NKTR: variants seen among roughly 807,000 people sequenced by gnomAD.
NKTR encodes the protein natural killer cell triggering receptor.
A neutral mutation model predicts 156.3 loss-of-function variants in NKTR; 67 were observed. That is an observed-to-expected ratio of 0.43 (90% CI 0.35 to 0.53). The LOEUF (loss-of-function observed/expected upper bound fraction) is 0.53, where lower values mean the gene tolerates loss of function less well. Ranked by LOEUF, NKTR falls within the 20% of genes least tolerant of loss-of-function variation. NKTR has a pLI of 0.01. For synonymous variants in NKTR, 640 were observed against 596.6 expected, an observed-to-expected ratio of 1.07 and a Z score of -1.06; for missense variants, 1,604 against 1,730.9, an observed-to-expected ratio of 0.93 and a Z score of 1.30.
chr3:42,619,151 A>G (rs1483240103), intron 4 of NKTR, 24 bp downstream of exon 4: 4 of 1,591,722 alleles, frequency 2.5e-6, no homozygotes, highest in Non-Finnish European at 8.5e-7. Flanking sequence ...TTGTGTTCCT[A>G]ATAACTCCAT....
At chr3:42,625,003 T>C (rs1708244424) in intron 6 of NKTR, among the ~76,000 whole-genome samples, 1 of 152,174 alleles carries the variant, frequency 6.6e-6, no homozygotes, top group Non-Finnish European at 1.5e-5. Context: ...CCTATGTACC[T>C]TCAGTTCGTT....
At position 42,618,349 on chromosome 3, in the gene NKTR, C is replaced by T. The variant is rs1203384202; in HGVS notation, c.134-671C>T. Among the ~76,000 whole-genome samples the T allele has an allele frequency of 1.7e-4, 23 of 135,442 alleles. 1 individual carries two copies. The East Asian group carries it at 4.6e-3, about 27-fold the overall frequency. The allele number at this position is 135,442 out of a possible 152,430, so 88.9% of individuals were successfully genotyped here. On this transcript the variant is annotated intron_variant, in intron 3 of 16. Transcript: ENST00000232978. ...CTGGGGGACAAGAGCCAGACTTTGT[C>T]TCAAAAAAAAAAAAAAAAAAATTAG...
intron 13 of NKTR, among the ~76,000 whole-genome samples, chr3:42,642,069 A>G (rs902982761): frequency 5.1e-4 from 77 of 152,324 alleles, no homozygotes; most frequent in African/African-American, 1.6e-3. Flanking sequence ...TTATATATAT[A>G]GATGTTCTAC....
chr3:42,638,683 G>C lies in NKTR; in HGVS notation c.2979G>C (p.Val993=). The change falls in exon 13 of 17, where the codon GTG becomes GTC. Residue 993 remains valine, a synonymous_variant. Transcript: ENST00000232978. ...TTAAAAGAGAACACACCAAAAAAGT[G>C]AAAGAGAAATTGAAAGGGAAAAAAG... ...ENLKREHTKK[V]KEKLKGKKDK... is the part of the protein sequence containing the mutation. The C allele has an allele frequency of 6.2e-7, 1 of 1,611,674 alleles. No individual in the cohort carries two copies. Among genetic ancestry groups the C allele is most frequent in the South Asian group, 1.1e-5 (1 of 90,314 alleles).
Position 42,637,987 on chromosome 3 carries a change from C to T in NKTR, c.2283C>T (p.Ser761=). The T allele has an allele frequency of 6.2e-7, 1 of 1,613,746 alleles. No individual in the cohort carries two copies. Among genetic ancestry groups the T allele is most frequent in the South Asian group, 1.1e-5 (1 of 91,024 alleles). The change falls in exon 13 of 17, where the codon TCC becomes TCT. Residue 761 remains serine, a synonymous_variant. Coordinates refer to ENST00000232978, the MANE Select transcript of NKTR (RefSeq NM_005385.4). ...DGRRAKRRLR[S]SGKKNSVSHK... ...GGCGAGCTAAGAGGAGACTTAGATCCAGTGGGAAAAAAAATAGCGTTTCAC... is the reference window on the plus strand; with the variant it reads ...GGCGAGCTAAGAGGAGACTTAGATCTAGTGGGAAAAAAAATAGCGTTTCAC...
intron 3 of NKTR, among the ~76,000 whole-genome samples, chr3:42,618,552 C>T (rs541693800): frequency 1.3e-5 from 2 of 152,046 alleles, no homozygotes; most frequent in African/African-American, 2.4e-5. Flanking sequence ...TCAAGTGATT[C>T]TCCTGCCTCA....
intron 6 of NKTR, chr3:42,627,423 TC>T: frequency 1.0e-6 from 1 of 985,016 alleles, no homozygotes; most frequent in Non-Finnish European, 1.2e-6. Flanking sequence ...GTGGCTTGTT[TC>T]CACCAAGTTC....
chr3:42,626,123 T>G (rs141389254), intron 6 of NKTR, among the ~76,000 whole-genome samples: 1 of 152,088 alleles, frequency 6.6e-6, no homozygotes, highest in Non-Finnish European at 1.5e-5. Context: ...ACAGAAGTTA[T>G]CTTTATTTCC....
Position 42,619,032 on chromosome 3 carries a change from T to C in NKTR, c.146T>C (p.Leu49Pro). 6.3e-7 allele frequency: 1 copy of C among 1,587,174 alleles called. No individual in the cohort carries two copies. Among genetic ancestry groups the C allele is most frequent in the Non-Finnish European group, 8.6e-7 (1 of 1,169,556 alleles). ...FLCLCSGEKGLGKTTGKKLCY... is the reference protein window; with the variant it reads ...FLCLCSGEKGPGKTTGKKLCY... ...TTTTTTTTTCCAGGAGAGAAAGGCC[T>C]TGGGAAAACAACTGGGAAGAAGTTA... Residue 49 changes from leucine to proline, a missense_variant, in exon 4 of 17, where the codon CTT becomes CCT. Around this residue, in one of 6 missense-constraint regions of NKTR, gnomAD observed 73 missense variants for 90.7 expected, o/e 0.80. Coordinates refer to ENST00000232978, the MANE Select transcript of NKTR (RefSeq NM_005385.4).
chr3:42,633,829 C>G, intron 10 of NKTR, 94 bp downstream of exon 10: 4 of 1,372,224 alleles, frequency 2.9e-6, no homozygotes, highest in Non-Finnish European at 4.1e-6. Flanking sequence ...GAACATGATC[C>G]ATGTTTGAAG....
chr3:42,617,322 A>T (rs1056528416), intron 2 of NKTR, among the ~76,000 whole-genome samples: 1 of 152,358 alleles, frequency 6.6e-6, no homozygotes, highest in African/African-American at 2.4e-5. Context: ...CCTTTAAAAC[A>T]CACTTAAAAT....
chr3:42,646,171 G>T lies in NKTR; in HGVS notation c.*196G>T. The T allele has an allele frequency of 4.6e-6, 2 of 433,748 alleles. No homozygotes were observed. Among genetic ancestry groups the T allele is most frequent in the Non-Finnish European group, 8.5e-6 (2 of 234,970 alleles). The allele number at this position is 433,748 out of a possible 1,614,324, so 26.9% of individuals were successfully genotyped here. On this transcript the variant is annotated 3_prime_UTR_variant, in exon 17 of 17. Coordinates refer to ENST00000232978, the MANE Select transcript of NKTR (RefSeq NM_005385.4). Reference sequence around the variant, plus strand: ...ATATGTCTCCTAAAAATATTTTTATGCCACATTTTACAGTAGCCAACTATG... The same window carrying T: ...ATATGTCTCCTAAAAATATTTTTATTCCACATTTTACAGTAGCCAACTATG...
At chr3:42,642,268 A>G (rs879409800) in intron 13 of NKTR, among the ~76,000 whole-genome samples, 4 of 152,082 alleles carry the variant, frequency 2.6e-5, no homozygotes, top group Non-Finnish European at 5.9e-5. Context: ...TCAGGCTTCT[A>G]TGAACATACT....
chr3:42,630,110 G>C, intron 6 of NKTR: 1 of 989,078 alleles, frequency 1.0e-6, no homozygotes, highest in Non-Finnish European at 1.2e-6. Flanking sequence ...AGTGTTTGGG[G>C]CAAATGTTAA....
At chr3:42,615,940 C>T (rs1707324796) in intron 2 of NKTR, among the ~76,000 whole-genome samples, 1 of 151,930 alleles carries the variant, frequency 6.6e-6, no homozygotes, top group East Asian at 1.9e-4. Flanking sequence ...TTTTTGCTTG[C>T]TTTCCGTCTT....
At chr3:42,614,173 A>T (rs577936589) in intron 2 of NKTR, among the ~76,000 whole-genome samples, 1 of 152,236 alleles carries the variant, frequency 6.6e-6, no homozygotes, top group South Asian at 2.1e-4. Flanking sequence ...TTTTTCTTAG[A>T]TATTATTTAT....
At chr3:42,608,771 C>T (rs192589148) in intron 2 of NKTR, among the ~76,000 whole-genome samples, 1 of 152,308 alleles carries the variant, frequency 6.6e-6, no homozygotes, top group Non-Finnish European at 1.5e-5. Context: ...TGCCAAGAGT[C>T]TCTTCTTTGG....
Position 42,647,370 on chromosome 3 carries a change from A to C in NKTR, c.*1395A>C, listed in dbSNP as rs1710422551. 1 of 149,502 alleles carries C rather than the reference A, an allele frequency of 6.7e-6. No homozygotes were observed. The highest frequency in any genetic ancestry group is 1.5e-5 in the Non-Finnish European group (1 of 67,784). 9.3% of individuals were successfully genotyped at this position (149,502 alleles called of 1,614,324 possible). A position where few individuals can be genotyped will look rare whatever the true frequency, so the allele number is the denominator to read the frequency against. On this transcript the variant is annotated 3_prime_UTR_variant, in exon 17 of 17. Coordinates refer to ENST00000232978, the MANE Select transcript of NKTR (RefSeq NM_005385.4). Reference sequence around the variant, plus strand: ...TACTTAATCACCTTAGTGCCAGTTTAATCCAGTTATGCAGAAGAAATTCAT... The same window carrying C: ...TACTTAATCACCTTAGTGCCAGTTTCATCCAGTTATGCAGAAGAAATTCAT...
rs151022212 is a variant in NKTR at position 42,633,654 on chromosome 3, G to A, written c.848G>A (p.Arg283His). ...GCTAAAAGGGAAAAACCTGTGGTCC[G>A]CCCAGAAGAGATTCCTCCAGTGCCT... ...SSAKREKPVVRPEEIPPVPEN... is the reference protein window; with the variant it reads ...SSAKREKPVVHPEEIPPVPEN... The change falls in exon 10 of 17, where the codon CGC becomes CAC. Residue 283 changes from arginine (R) to histidine (H), a missense_variant. Physicochemically the swap from Arg to His is conservative, Grantham distance 29. Transcript: ENST00000232978. 3.7e-6 allele frequency: 6 copies of A among 1,614,098 alleles called. No individual in the cohort carries two copies. The highest frequency in any genetic ancestry group is 1.1e-5 in the South Asian group (1 of 91,076).
Sources: allele counts gnomAD v4.1 joint callset (sites outside exome capture counted in the v4.1 genomes callset), GRCh38; gene constraint gnomAD v4.1.1; regional missense constraint gnomAD v4.1.1; transcripts MANE v1.5; gene names NCBI Gene and HGNC (gene_info 2026-07-23, HGNC 2026-07-21).